The following TPP2 variants were observed in gnomAD, a reference collection of about 807,000 sequenced individuals.
TPP2 encodes tripeptidyl peptidase 2, also known as tripeptidyl-peptidase 2.
Under a neutral mutation model 155.9 loss-of-function variants are expected in TPP2, and 34 were observed. The observed-to-expected ratio is 0.22, with a 90% confidence interval of 0.17 to 0.29. TPP2 has a LOEUF of 0.29. Ranked by LOEUF, TPP2 falls within the 10% of genes least tolerant of loss-of-function variation. The probability of loss-of-function intolerance (pLI) is 1.00; values close to 1 mark genes in which losing one functional copy is unlikely to be tolerated. For missense variants in TPP2, 1,028 were observed against 1,522.3 expected (o/e 0.68, Z 5.40); for synonymous variants, 510 against 529.4 (o/e 0.96, Z 0.50).
At position 102,625,346 on chromosome 13, in the gene TPP2, A is replaced by G. The variant is rs549554790; in HGVS notation, c.785-1666A>G. Among the ~76,000 whole-genome samples the G allele has an allele frequency of 7.3e-5, 11 of 150,640 alleles. No homozygotes were observed. In the East Asian group the frequency reaches 2.0e-3, roughly 27 times the overall value. On this transcript the variant is annotated intron_variant, in intron 6 of 29. Coordinates refer to ENST00000376052, the MANE Select transcript of TPP2 (RefSeq NM_001330588.2). Reference sequence around the variant, plus strand: ...TGCCCGGCTAATTTTTTGTATTTTTAGTAGAGACGGGGTTTCACCGTGTTA... The same window carrying G: ...TGCCCGGCTAATTTTTTGTATTTTTGGTAGAGACGGGGTTTCACCGTGTTA...
intron 10 of TPP2, among the ~76,000 whole-genome samples, chr13:102,631,764 T>C (rs1440408530): frequency 1.3e-5 from 2 of 152,244 alleles, no homozygotes; most frequent in Non-Finnish European, 2.9e-5. Context: ...CATGAAATAA[T>C]ATTAGAAATA....
At position 102,597,024 on chromosome 13, in the gene TPP2, C is replaced by T. The variant is rs749178413; in HGVS notation, c.-15C>T. 18 of 1,610,790 alleles carry T rather than the reference C, an allele frequency of 1.1e-5. No homozygotes were observed. Among genetic ancestry groups the T allele is most frequent in the East Asian group, 2.2e-5 (1 of 44,670 alleles). On this transcript the variant is annotated 5_prime_UTR_variant, in exon 1 of 30. Transcript: ENST00000376052. ...CCTGGCAGTTTGCCGCTTCCTCGTC[C>T]TCCATCCTGCGTCCATGGCCACCGC...
chr13:102,627,493 G>C (rs1881709270), intron 7 of TPP2, among the ~76,000 whole-genome samples: 1 of 151,944 alleles, frequency 6.6e-6, no homozygotes, highest in African/African-American at 2.4e-5. Flanking sequence ...TAAAACCTCA[G>C]CTAACATTCT....
At chr13:102,609,269 C>T (rs1880081526) in intron 2 of TPP2, among the ~76,000 whole-genome samples, 2 of 148,634 alleles carry the variant, frequency 1.3e-5, no homozygotes, top group Non-Finnish European at 3.0e-5. Context: ...ACAGGCTTAA[C>T]AGGAAGCATG....
At chr13:102,638,112 G>A (rs1333232383) in intron 14 of TPP2, 127 bp from the exon 15 acceptor site, 10 of 785,628 alleles carry the variant, frequency 1.3e-5, no homozygotes, top group Non-Finnish European at 1.9e-5. Context: ...TCAGGAAATT[G>A]GTGTCAACCT....
intron 1 of TPP2, among the ~76,000 whole-genome samples, chr13:102,600,011 A>G (rs934412297): frequency 6.6e-6 from 1 of 151,178 alleles, no homozygotes; most frequent in Non-Finnish European, 1.5e-5. Context: ...ACCTTGTATT[A>G]TACCCTCATT....
At position 102,632,663 on chromosome 13, in the gene TPP2, AT is replaced by A. The variant is rs1469448405; in HGVS notation, c.1245-1281del. On this transcript the variant is annotated intron_variant, in intron 10 of 29. Coordinates refer to ENST00000376052, the MANE Select transcript of TPP2 (RefSeq NM_001330588.2). The stretch of plus-strand genomic sequence containing the variant: ...TCAGAATTCATGACTCTTTCCAGTT[AT>A]TTTTTCCAATGCTATCAAATACCAA... Among the ~76,000 whole-genome samples the A allele has an allele frequency of 5.9e-5, 9 of 152,284 alleles. No homozygotes were observed. In the East Asian group the frequency reaches 1.7e-3, roughly 29 times the overall value.
intron 19 of TPP2, among the ~76,000 whole-genome samples, chr13:102,645,882 G>T (rs1769220029): frequency 6.6e-6 from 1 of 152,188 alleles, no homozygotes; most frequent in Non-Finnish European, 1.5e-5. Context: ...CTGCCATCTG[G>T]TGAGCAGCAG....
intron 6 of TPP2, among the ~76,000 whole-genome samples, chr13:102,624,839 ATTTTTTTTTTTCCTTTTTTT>A (rs1284247382): frequency 8.1e-6 from 1 of 124,138 alleles, no homozygotes; most frequent in Non-Finnish European, 1.7e-5. Flanking sequence ...CATGTACTTA[ATTTTTTTTTTTCCTTTTTTT>A]TTTTTTTTTT....
At chr13:102,636,962 T>C in intron 13 of TPP2, 120 bp from the exon 14 acceptor site, 1 of 900,602 alleles carries the variant, frequency 1.1e-6, no homozygotes, top group Non-Finnish European at 1.6e-6. Flanking sequence ...AGCTGTGTTT[T>C]GGATGCATTT....
chr13:102,644,411 T>G lies in TPP2; in HGVS notation c.2176-146T>G, dbSNP rs1007763999. 6.7e-5 allele frequency: 40 copies of G among 597,348 alleles called. No homozygotes were observed. In the African/African-American group the frequency reaches 7.5e-4, roughly 11 times the overall value. The allele number at this position is 597,348 out of a possible 1,614,324, so 37.0% of individuals were successfully genotyped here. On this transcript the variant is annotated intron_variant, in intron 17 of 29. Coordinates refer to ENST00000376052, the MANE Select transcript of TPP2 (RefSeq NM_001330588.2). ...TGCAAATGATTTGTCTAACTCTTACTTAGCATAGCTGTTAAAATTTTTGAG... is the reference window on the plus strand; with the variant it reads ...TGCAAATGATTTGTCTAACTCTTACGTAGCATAGCTGTTAAAATTTTTGAG...
intron 1 of TPP2, among the ~76,000 whole-genome samples, chr13:102,604,011 G>C (rs1408085963): frequency 6.6e-6 from 1 of 152,194 alleles, no homozygotes; most frequent in Non-Finnish European, 1.5e-5. Flanking sequence ...GCTGTGAGGA[G>C]TCAACTGAAG....
At chr13:102,651,534 C>G in intron 24 of TPP2, 137 bp downstream of exon 24, 1 of 779,204 alleles carries the variant, frequency 1.3e-6, no homozygotes, top group Non-Finnish European at 1.9e-6. Flanking sequence ...GTATAGTGCT[C>G]TTAGCTGTAC....
At chr13:102,664,959 C>T (rs745676693) in intron 27 of TPP2, 34 bp downstream of exon 27, 1 of 1,604,964 alleles carries the variant, frequency 6.2e-7, no homozygotes, top group Non-Finnish European at 8.5e-7. Flanking sequence ...TCTTGCATCT[C>T]ATTTCCTAGT....
In TPP2 at chr13:102,649,091, A is replaced by G. The variant is rs1883329290; in HGVS notation, c.2813A>G (p.Asn938Ser). The part of the protein sequence containing the change: ...FALLGKKKSS[N>S]LTLPPKYNQP... ...CTTCTAGGGAAGAAGAAATCAAGCA[A>G]TTTGACATTACCACCCAAATATAAC... Residue 938 changes from asparagine (N) to serine (S), a missense_variant, in exon 22 of 30, where the codon AAT (asparagine) becomes AGT (serine). Transcript: ENST00000376052. The G allele has an allele frequency of 2.5e-6, 4 of 1,613,184 alleles. No individual in the cohort carries two copies. Among genetic ancestry groups the G allele is most frequent in the East Asian group, 2.2e-5 (1 of 44,846 alleles).
At chr13:102,644,800 T>A (rs1882994157) in intron 18 of TPP2, 109 bp from the exon 19 acceptor site, 1 of 1,418,420 alleles carries the variant, frequency 7.1e-7, no homozygotes, top group African/African-American at 1.4e-5. Context: ...AGCAGTAGGC[T>A]TTGTGTGTGG....
intron 25 of TPP2, among the ~76,000 whole-genome samples, chr13:102,660,240 A>G (rs964935135): frequency 6.6e-6 from 1 of 152,134 alleles, no homozygotes; most frequent in Non-Finnish European, 1.5e-5. Flanking sequence ...TTAAATGTTC[A>G]TTTAAAAATA....
intron 18 of TPP2, 57 bp downstream of exon 18, chr13:102,644,730 G>A: frequency 6.7e-7 from 1 of 1,493,352 alleles, no homozygotes; most frequent in African/African-American, 1.4e-5. Flanking sequence ...TTACTGGAGA[G>A]TAACTTCATT....
chr13:102,666,775 T>TTTTTTTTTTTTTTTTTTTTG, intron 27 of TPP2, among the ~76,000 whole-genome samples: 1 of 140,906 alleles, frequency 7.1e-6, no homozygotes, highest in Non-Finnish European at 1.5e-5. Flanking sequence ...TCTTTTTTTT[T>TTTTTTTTTTTTTTTTTTTTG]TTTTTTTTTT....
Sources: gnomAD v4.1 joint callset for allele counts (sites outside exome capture counted in the v4.1 genomes callset) on GRCh38, gnomAD v4.1.1 for gene constraint, MANE v1.5 for transcripts, NCBI Gene and HGNC (gene_info 2026-07-23, HGNC 2026-07-21) for gene names.